Variants in ABTB3 observed in about 807,000 individuals in gnomAD.
The protein encoded by ABTB3 is ankyrin repeat- and BTB/POZ domain-containing protein 3.
the ABTB3 span, among the ~76,000 whole-genome samples, chr12:107,501,269 A>ATTCC: frequency 1.3e-5 from 2 of 152,136 alleles, no homozygotes; most frequent in Admixed American, 1.3e-4. Flanking sequence ...GGATGTGGAC[A>ATTCC]TTCCGTAAGA....
the ABTB3 span, among the ~76,000 whole-genome samples, chr12:107,591,879 A>G: frequency 6.6e-6 from 1 of 152,178 alleles, no homozygotes; most frequent in Admixed American, 6.5e-5. Context: ...GGAGGTTAAG[A>G]AACCTGCCCA....
the ABTB3 span, among the ~76,000 whole-genome samples, chr12:107,440,702 A>G: frequency 1.3e-5 from 2 of 152,132 alleles, no homozygotes; most frequent in African/African-American, 2.4e-5. Context: ...GTCACATGGT[A>G]ATTATTCTGG....
the ABTB3 span, chr12:107,658,233 A>G: frequency 0.091 from 14,088 of 154,760 alleles, 770 homozygotes; most frequent in South Asian, 0.15. Flanking sequence ...AAAAAAAAAC[A>G]AAAACAGGGC....
the ABTB3 span, among the ~76,000 whole-genome samples, chr12:107,581,910 G>A: frequency 2.0e-5 from 3 of 152,260 alleles, no homozygotes; most frequent in South Asian, 4.1e-4. Flanking sequence ...CCAGTGGGGC[G>A]TGTGTGTGTG....
the ABTB3 span, among the ~76,000 whole-genome samples, chr12:107,378,971 A>G: frequency 5.9e-5 from 9 of 152,258 alleles, no homozygotes; most frequent in South Asian, 1.9e-3. Context: ...AAGAAGCCTG[A>G]TTTTTGCTCA....
At chr12:107,469,226 T>A in the ABTB3 span, among the ~76,000 whole-genome samples, 2 of 151,908 alleles carry the variant, frequency 1.3e-5, no homozygotes, top group Non-Finnish European at 2.9e-5. Flanking sequence ...AGAAGCAGAA[T>A]GTGTGTTTCC....
the ABTB3 span, among the ~76,000 whole-genome samples, chr12:107,638,238 GAGGACCACC>G: frequency 6.6e-6 from 1 of 152,124 alleles, no homozygotes; most frequent in Admixed American, 6.5e-5. Context: ...AAGGTGAGTG[GAGGACCACC>G]AGGACCACCG....
At chr12:107,457,823 G>A in the ABTB3 span, among the ~76,000 whole-genome samples, 2 of 152,172 alleles carry the variant, frequency 1.3e-5, no homozygotes, top group Non-Finnish European at 2.9e-5. Flanking sequence ...AAATGTTCAC[G>A]CTGCAGGAGG....
chr12:107,435,295 C>T, the ABTB3 span, among the ~76,000 whole-genome samples: 2 of 152,220 alleles, frequency 1.3e-5, no homozygotes, highest in African/African-American at 4.8e-5. Context: ...CTTTAATCCA[C>T]ACACTGTAGG....
the ABTB3 span, among the ~76,000 whole-genome samples, chr12:107,389,834 ATGTGTGTGTGTTTG>A: frequency 7.1e-4 from 72 of 101,964 alleles, no homozygotes; most frequent in African/African-American, 3.0e-3. Flanking sequence ...ATGCTGGGGC[ATGTGTGTGTGTTTG>A]TGTGTGTGTG....
At chr12:107,486,537 A>T in the ABTB3 span, 1 of 152,100 alleles carries the variant, frequency 6.6e-6, no homozygotes, top group Non-Finnish European at 1.5e-5. Flanking sequence ...GCCTAACTAG[A>T]GTATTCTTTC....
At chr12:107,422,619 G>A in the ABTB3 span, among the ~76,000 whole-genome samples, 6 of 152,212 alleles carry the variant, frequency 3.9e-5, no homozygotes, top group Non-Finnish European at 7.3e-5. Context: ...GTGATGAGAA[G>A]TTGGCAAGAT....
the ABTB3 span, among the ~76,000 whole-genome samples, chr12:107,523,311 C>T: frequency 2.0e-5 from 3 of 152,188 alleles, no homozygotes; most frequent in African/African-American, 7.2e-5. Flanking sequence ...GTTGCGCTTC[C>T]ATTCCCTTCA....
At chr12:107,438,754 T>C in the ABTB3 span, among the ~76,000 whole-genome samples, 1 of 152,166 alleles carries the variant, frequency 6.6e-6, no homozygotes, top group Non-Finnish European at 1.5e-5. Flanking sequence ...GAAGATGCGA[T>C]GCAAGGACGC....
At chr12:107,581,909 C>CGT in the ABTB3 span, among the ~76,000 whole-genome samples, 1 of 152,132 alleles carries the variant, frequency 6.6e-6, no homozygotes, top group African/African-American at 2.4e-5. Context: ...CCCAGTGGGG[C>CGT]GTGTGTGTGT....
chr12:107,483,641 T>A, the ABTB3 span, among the ~76,000 whole-genome samples: 1,278 of 152,272 alleles, frequency 8.4e-3, 15 homozygotes, highest in African/African-American at 0.029. Context: ...CCTGAAGCAC[T>A]TTCCAGATGT....
At chr12:107,521,393 A>G in the ABTB3 span, among the ~76,000 whole-genome samples, 1 of 151,874 alleles carries the variant, frequency 6.6e-6, no homozygotes, top group African/African-American at 2.4e-5. Context: ...GTGCATGGAA[A>G]TCTTCCCTTC....
chr12:107,421,243 T>G, the ABTB3 span, among the ~76,000 whole-genome samples: 4 of 152,200 alleles, frequency 2.6e-5, no homozygotes, highest in East Asian at 7.7e-4. Flanking sequence ...CTCTGTAGTT[T>G]TAGAGCGAGT....
the ABTB3 span, among the ~76,000 whole-genome samples, chr12:107,438,137 C>T: frequency 1.3e-5 from 2 of 152,100 alleles, no homozygotes; most frequent in Non-Finnish European, 2.9e-5. Flanking sequence ...AACCAGGCGC[C>T]GAGGCATCGA....
Sources: allele counts gnomAD v4.1 joint callset (sites outside exome capture counted in the v4.1 genomes callset), GRCh38; gene constraint gnomAD v4.1.1; transcripts MANE v1.5; gene names NCBI Gene and HGNC (gene_info 2026-07-23, HGNC 2026-07-21).